The following COL22A1 variants were observed in gnomAD, a reference collection of about 807,000 sequenced individuals.
COL22A1 encodes the protein collagen alpha-1(XXII) chain.
A neutral mutation model predicts 248.9 loss-of-function variants in COL22A1; 221 were observed. The observed-to-expected ratio is 0.89, with a 90% CI of 0.80 to 0.99. COL22A1 has a LOEUF of 0.99. COL22A1 is among the 50% of genes least tolerant of loss of function. The pLI is 0.00. For missense variants in COL22A1, 2,240 were observed against 2,179.0 expected, an observed-to-expected ratio of 1.03 and a Z score of -0.56; for synonymous variants, 891 against 793.4, an observed-to-expected ratio of 1.12 and a Z score of -2.07.
At chr8:138,817,559 T>C (rs1189509703) in intron 7 of COL22A1, among the ~76,000 whole-genome samples, 1 of 152,166 alleles carries the variant, frequency 6.6e-6, no homozygotes, top group Non-Finnish European at 1.5e-5. Flanking sequence ...ACTTCTACTA[T>C]ACTAGGGTGT....
At chr8:138,645,407 A>T (rs1822114142) in intron 47 of COL22A1, among the ~76,000 whole-genome samples, 1 of 152,160 alleles carries the variant, frequency 6.6e-6, no homozygotes, top group Admixed American at 6.5e-5. Flanking sequence ...CATAGTGTCT[A>T]TTCTGCCCTA....
At chr8:138,724,507 C>A in intron 25 of COL22A1, 108 bp downstream of exon 25, 2 of 1,075,258 alleles carry the variant, frequency 1.9e-6, no homozygotes, top group Admixed American at 2.0e-5. Context: ...GCCAAGGAGT[C>A]CTCAGCTCTA....
At chr8:138,882,863 A>C (rs566045887) in intron 2 of COL22A1, among the ~76,000 whole-genome samples, 17 of 152,238 alleles carry the variant, frequency 1.1e-4, no homozygotes, top group African/African-American at 4.1e-4. Context: ...ACACTCATAC[A>C]CATACTGTCA....
chr8:138,803,340 C>T (rs187276413), intron 10 of COL22A1, among the ~76,000 whole-genome samples: 18 of 152,170 alleles, frequency 1.2e-4, no homozygotes, highest in African/African-American at 1.9e-4. Context: ...CACGTCATCA[C>T]GCAGGCACAT....
intron 1 of COL22A1, among the ~76,000 whole-genome samples, chr8:138,901,702 A>C (rs1006316511): frequency 1.3e-5 from 2 of 152,108 alleles, no homozygotes; most frequent in African/African-American, 2.4e-5. Flanking sequence ...CACAAGACCC[A>C]AAACGACATA....
At chr8:138,898,375 G>A (rs936319362) in intron 1 of COL22A1, among the ~76,000 whole-genome samples, 1 of 152,012 alleles carries the variant, frequency 6.6e-6, no homozygotes, top group African/African-American at 2.4e-5. Flanking sequence ...TATTCAAGAA[G>A]GAAAGTGATA....
intron 3 of COL22A1, among the ~76,000 whole-genome samples, chr8:138,875,025 C>T (rs1396998656): frequency 1.3e-5 from 2 of 152,134 alleles, no homozygotes; most frequent in Non-Finnish European, 2.9e-5. Context: ...TCATCAGAGT[C>T]TCTTCACTGA....
chr8:138,698,545 G>T (rs1387147622), intron 32 of COL22A1, among the ~76,000 whole-genome samples: 1 of 152,220 alleles, frequency 6.6e-6, no homozygotes, highest in Non-Finnish European at 1.5e-5. Flanking sequence ...TGAGAAGACA[G>T]GGTGGCAGAA....
rs768183414 is a variant in COL22A1 at position 138,812,948 on chromosome 8, G to A, written c.1317C>T (p.Pro439=). 1.2e-5 allele frequency: 19 copies of A among 1,612,958 alleles called. No individual in the cohort carries two copies. Among genetic ancestry groups the A allele is most frequent in the Admixed American group, 1.0e-4 (6 of 59,996 alleles). ...HAELETCCDI[P]SGPCQVTVVT... is the part of the protein sequence containing the mutation. ...GCGAGAGTCTGCTCACCGGACCCGA[G>A]GGGATATCACAACAAGTCTCCAATT... is the stretch of plus-strand genomic sequence containing the variant. Residue 439 remains proline, a synonymous_variant, in exon 8 of 65, where the codon CCC becomes CCT. Transcript: ENST00000303045.
intron 7 of COL22A1, among the ~76,000 whole-genome samples, chr8:138,814,560 A>G (rs1818518219): frequency 3.9e-5 from 6 of 152,156 alleles, no homozygotes; most frequent in Admixed American, 3.3e-4. Flanking sequence ...ACTAGCAAGG[A>G]ACTGAGGTCC....
chr8:138,693,720 G>C (rs1242271964), intron 34 of COL22A1, 21 bp from the exon 35 acceptor site: 5 of 1,559,534 alleles, frequency 3.2e-6, no homozygotes, highest in Non-Finnish European at 1.7e-6. Context: ...AATAAAAGAG[G>C]GGCGGGGGTA....
chr8:138,617,913 T>G (rs1819467648), intron 53 of COL22A1, among the ~76,000 whole-genome samples: 1 of 152,140 alleles, frequency 6.6e-6, no homozygotes, highest in Non-Finnish European at 1.5e-5. Context: ...TGCTCTCCAG[T>G]TATTCAAAAC....
rs145203467 is a variant in COL22A1 at position 138,693,649 on chromosome 8, G to A, written c.2751C>T (p.Asn917=). The A allele has an allele frequency of 9.0e-5, 142 of 1,584,200 alleles. No individual in the cohort carries two copies. The African/African-American group carries it at 1.7e-3, about 19-fold the overall frequency. The change falls in exon 35 of 65, where the codon AAC becomes AAT. Residue 917 remains asparagine (N), a synonymous_variant. Coordinates refer to ENST00000303045, the MANE Select transcript of COL22A1 (RefSeq NM_152888.3). The stretch of plus-strand genomic sequence containing the variant: ...CAGGCCGATCATAGGGACTCACGGG[G>A]TTTCCAGCTGCTCCAGGAGCCCCAT... ...GAHGAPGAAG[N]PGAPGHVGAP... is the part of the protein sequence containing the mutation.
chr8:138,693,409 A>G (rs1423629951), intron 35 of COL22A1, among the ~76,000 whole-genome samples: 1 of 152,212 alleles, frequency 6.6e-6, no homozygotes, highest in Non-Finnish European at 1.5e-5. Flanking sequence ...ACATGTGCAT[A>G]GAAAGAGATT....
chr8:138,711,717 C>T (rs557742395), intron 30 of COL22A1, among the ~76,000 whole-genome samples: 11 of 152,216 alleles, frequency 7.2e-5, no homozygotes, highest in Admixed American at 2.6e-4. Flanking sequence ...AAAGCACCTG[C>T]GCAGAAAAAG....
intron 49 of COL22A1, 99 bp from the exon 50 acceptor site, chr8:138,630,847 T>C (rs1245144438): frequency 2.9e-6 from 3 of 1,025,858 alleles, no homozygotes; most frequent in South Asian, 2.5e-5. Context: ...TGGTTGGTTA[T>C]CTGTCCCCTC....
intron 43 of COL22A1, 23 bp from the exon 44 acceptor site, chr8:138,660,503 C>T (rs766237189): frequency 3.1e-6 from 5 of 1,611,840 alleles, no homozygotes; most frequent in Non-Finnish European, 4.2e-6. Context: ...GGAAATAAAA[C>T]ATTAACTGTG....
At chr8:138,600,577 C>T (rs543537091) in intron 60 of COL22A1, among the ~76,000 whole-genome samples, 2 of 152,148 alleles carry the variant, frequency 1.3e-5, no homozygotes, top group African/African-American at 4.8e-5. Flanking sequence ...AGCCAAAGCC[C>T]TGTGATGGAC....
chr8:138,687,115 C>T (rs1057272195), intron 37 of COL22A1, among the ~76,000 whole-genome samples: 3 of 152,178 alleles, frequency 2.0e-5, no homozygotes, highest in Non-Finnish European at 4.4e-5. Flanking sequence ...TGCCACCATA[C>T]CCAACTAATT....
Sources: allele counts gnomAD v4.1 joint callset (sites outside exome capture counted in the v4.1 genomes callset), GRCh38; gene constraint gnomAD v4.1.1; transcripts MANE v1.5; gene names NCBI Gene and HGNC (gene_info 2026-07-23, HGNC 2026-07-21).